Variants in LRPPRC observed in about 807,000 individuals in gnomAD.
The protein encoded by LRPPRC is leucine rich pentatricopeptide repeat containing.
Under a neutral mutation model 180.3 loss-of-function variants are expected in LRPPRC, and 120 were observed. That is an observed-to-expected ratio of 0.67 (90% CI 0.57 to 0.77). The LOEUF (loss-of-function observed/expected upper bound fraction) is 0.77. Ranked by LOEUF, LRPPRC falls within the 30% of genes least tolerant of loss-of-function variation. LRPPRC has a pLI of 0.00. For synonymous variants in LRPPRC, 723 were observed against 600.0 expected (o/e 1.21, Z -3.00); for missense variants, 2,012 against 1,657.2 (o/e 1.21, Z -3.72).
chr2:43,995,860 C>T lies in LRPPRC; in HGVS notation c.88G>A (p.Gly30Ser), dbSNP rs1675033769. 2 of 1,488,300 alleles carry T rather than the reference C, an allele frequency of 1.3e-6. No individual in the cohort carries two copies. The highest frequency in any genetic ancestry group is 1.8e-6 in the Non-Finnish European group (2 of 1,127,228). 92.2% of individuals were successfully genotyped at this position (1,488,300 alleles called of 1,614,324 possible). A position where few individuals can be genotyped will look rare whatever the true frequency, so the allele number is the denominator to read the frequency against. Residue 30 changes from glycine (G) to serine (S), a missense_variant, in exon 1 of 38, where the codon GGC (glycine) becomes AGC (serine). By Grantham distance (56) the Gly-to-Ser change is moderately conservative. Transcript: ENST00000260665. ...GAGGCGGCATGCAGCCGGCCCGGGC[C>T]GCCAGGGAGGAGGCGCAGGGAGAGC... is the stretch of plus-strand genomic sequence containing the variant. ...LPLSLRLLPG[G>S]PGRLHAASYL... is the part of the protein sequence containing the mutation.
At chr2:43,907,147 T>C (rs1242206358) in intron 30 of LRPPRC, among the ~76,000 whole-genome samples, 2 of 152,376 alleles carry the variant, frequency 1.3e-5, no homozygotes. Flanking sequence ...ACACTAAGTA[T>C]GAACTACAAA....
intron 25 of LRPPRC, among the ~76,000 whole-genome samples, chr2:43,928,669 T>C (rs1055909255): frequency 1.3e-5 from 2 of 152,058 alleles, no homozygotes; most frequent in Admixed American, 1.3e-4. Context: ...GAGAACTGCT[T>C]GAGGCCAGGA....
chr2:43,967,139 T>C (rs956454085), intron 11 of LRPPRC, among the ~76,000 whole-genome samples: 3 of 149,638 alleles, frequency 2.0e-5, no homozygotes, highest in African/African-American at 7.4e-5. Context: ...TGGCTCATGC[T>C]TGTAATCCCA....
chr2:43,894,648 G>C lies in LRPPRC; in HGVS notation c.3901-19C>G. ...TTGATGCCTAGGAAATTACATAAAGGTAATATTATGAAAACCGCAAATTAA... is the reference window on the plus strand; with the variant it reads ...TTGATGCCTAGGAAATTACATAAAGCTAATATTATGAAAACCGCAAATTAA... On this transcript the variant is annotated intron_variant, in intron 35 of 37. Transcript: ENST00000260665. 7.7e-7 allele frequency: 1 copy of C among 1,291,442 alleles called. No homozygotes were observed. Among genetic ancestry groups the C allele is most frequent in the Non-Finnish European group, 1.1e-6 (1 of 885,960 alleles). 80.0% of individuals were successfully genotyped at this position (1,291,442 alleles called of 1,614,324 possible). A position where few individuals can be genotyped will look rare whatever the true frequency, so the allele number is the denominator to read the frequency against.
Position 43,948,001 on chromosome 2 carries a change from A to C in LRPPRC, c.1920+121T>G, listed in dbSNP as rs1293083403. ...AACAATCAATGAAAAGCTTCGTTTTAATGGCTGTCATTGAAACAAATTTTT... is the reference window on the plus strand; with the variant it reads ...AACAATCAATGAAAAGCTTCGTTTTCATGGCTGTCATTGAAACAAATTTTT... On this transcript the variant is annotated intron_variant, in intron 18 of 37. Transcript: ENST00000260665. 5.5e-6 allele frequency: 4 copies of C among 731,328 alleles called. No individual in the cohort carries two copies. In the African/African-American group the frequency reaches 7.1e-5, roughly 13 times the overall value. The allele number at this position is 731,328 out of a possible 1,614,324, so 45.3% of individuals were successfully genotyped here. A position where few individuals can be genotyped will look rare whatever the true frequency, so the allele number is the denominator to read the frequency against.
At chr2:43,952,815 A>T (rs552364362) in intron 14 of LRPPRC, among the ~76,000 whole-genome samples, 9 of 152,294 alleles carry the variant, frequency 5.9e-5, no homozygotes, top group African/African-American at 1.9e-4. Flanking sequence ...TAAATTGTGA[A>T]TGATCTCCTA....
chr2:43,981,818 GTATT>G (rs1248892205), intron 2 of LRPPRC, among the ~76,000 whole-genome samples: 2 of 152,214 alleles, frequency 1.3e-5, no homozygotes, highest in East Asian at 3.9e-4. Flanking sequence ...TTACCCTCAA[GTATT>G]TATTTAGGTT....
intron 25 of LRPPRC, among the ~76,000 whole-genome samples, chr2:43,930,353 A>T (rs1387894892): frequency 6.6e-6 from 1 of 152,176 alleles, no homozygotes; most frequent in African/African-American, 2.4e-5. Flanking sequence ...AACCAATAGA[A>T]AACAGAAACT....
At chr2:43,961,961 T>A (rs541520570) in intron 12 of LRPPRC, among the ~76,000 whole-genome samples, 10 of 152,150 alleles carry the variant, frequency 6.6e-5, no homozygotes, top group African/African-American at 2.4e-4. Flanking sequence ...AGACTCTGCC[T>A]CAAAAAACAA....
intron 11 of LRPPRC, among the ~76,000 whole-genome samples, chr2:43,971,006 A>G (rs1337381617): frequency 6.6e-6 from 1 of 152,042 alleles, no homozygotes; most frequent in African/African-American, 2.4e-5. Flanking sequence ...AAGCTGAGGC[A>G]AGAGAATTGC....
intron 22 of LRPPRC, 51 bp from the exon 23 acceptor site, chr2:43,943,945 C>T (rs1672586010): frequency 2.3e-6 from 3 of 1,312,124 alleles, no homozygotes; most frequent in African/African-American, 1.4e-5. Flanking sequence ...GTAGGGAAAA[C>T]AAACTGCTAT....
At chr2:43,981,110 G>A (rs190798536) in intron 2 of LRPPRC, among the ~76,000 whole-genome samples, 1 of 152,230 alleles carries the variant, frequency 6.6e-6, no homozygotes, top group Admixed American at 6.5e-5. Context: ...ATGTTTGCAT[G>A]AGGCTTTTGG....
At position 43,901,304 on chromosome 2, in the gene LRPPRC, G is replaced by A. The variant is rs922541322; in HGVS notation, c.3569+16C>T. The stretch of plus-strand genomic sequence containing the variant: ...CTAGTGACCAATGAAGGAAAAGAAG[G>A]CTTGCAAATACTCACTTCTTTATTT... On this transcript the variant is annotated intron_variant, in intron 32 of 37. Transcript: ENST00000260665. The A allele has an allele frequency of 6.2e-7, 1 of 1,605,124 alleles. No individual in the cohort carries two copies. Among genetic ancestry groups the A allele is most frequent in the South Asian group, 1.1e-5 (1 of 90,784 alleles).
intron 13 of LRPPRC, among the ~76,000 whole-genome samples, chr2:43,958,103 G>C (rs1401363565): frequency 1.3e-5 from 2 of 152,092 alleles, no homozygotes; most frequent in Non-Finnish European, 2.9e-5. Context: ...GACATTATAA[G>C]CCTGATTTGC....
intron 27 of LRPPRC, among the ~76,000 whole-genome samples, chr2:43,919,387 T>C (rs1671615331): frequency 6.6e-6 from 1 of 152,226 alleles, no homozygotes; most frequent in Non-Finnish European, 1.5e-5. Context: ...TCTTTACAAG[T>C]GACAAATCTA....
chr2:43,977,312 C>A, intron 3 of LRPPRC, 36 bp from the exon 4 acceptor site: 1 of 1,555,150 alleles, frequency 6.4e-7, no homozygotes. Context: ...TTTAGAAAAG[C>A]ATTGAAAATC....
chr2:43,969,455 C>T (rs967389597), intron 11 of LRPPRC, among the ~76,000 whole-genome samples: 3 of 151,464 alleles, frequency 2.0e-5, no homozygotes, highest in African/African-American at 2.4e-5. Context: ...CTGGCAGGTG[C>T]TTGTTACACT....
chr2:43,899,373 C>G, intron 33 of LRPPRC, 39 bp from the exon 34 acceptor site: 2 of 1,604,072 alleles, frequency 1.2e-6, no homozygotes, highest in Non-Finnish European at 8.5e-7. Context: ...TTCATTAGAA[C>G]AGTGGTATAA....
chr2:43,976,926 G>T, intron 5 of LRPPRC, 68 bp downstream of exon 5: 1 of 1,289,840 alleles, frequency 7.8e-7, no homozygotes, highest in Non-Finnish European at 1.1e-6. Context: ...AAAACAAAGA[G>T]TGAACAGACA....
Sources: gnomAD v4.1 joint callset for allele counts (sites outside exome capture counted in the v4.1 genomes callset) on GRCh38, gnomAD v4.1.1 for gene constraint, MANE v1.5 for transcripts, NCBI Gene and HGNC (gene_info 2026-07-23, HGNC 2026-07-21) for gene names.